The following GLRA2 variants were observed in gnomAD, a reference collection of about 807,000 sequenced individuals.
GLRA2 encodes the protein glycine receptor alpha 2, also known as glycine receptor subunit alpha-2.
A neutral mutation model predicts 31.6 loss-of-function variants in GLRA2; 11 were observed. The observed-to-expected ratio is 0.35, with a 90% CI of 0.22 to 0.58. GLRA2 has a LOEUF of 0.58. GLRA2 is among the 20% of genes least tolerant of loss of function. GLRA2 has a pLI of 0.84. For missense variants in GLRA2, 212 were observed against 351.8 expected, an observed-to-expected ratio of 0.60 and a Z score of 3.18; for synonymous variants, 132 against 134.0, an observed-to-expected ratio of 0.99 and a Z score of 0.10.
intron 2 of GLRA2, among the ~76,000 whole-genome samples, chrX:14,542,629 G>GA (rs769508434): frequency 3.4e-3 from 338 of 98,643 alleles, no homozygotes; most frequent in African/African-American, 7.8e-3. Context: ...TGCTAGAGAA[G>GA]AAAAAAAAAA....
chrX:14,560,885 T>C (rs745659061), intron 2 of GLRA2, among the ~76,000 whole-genome samples: 3 of 108,371 alleles, frequency 2.8e-5, no homozygotes, highest in African/African-American at 1.0e-4. Context: ...TATATATATA[T>C]ACATACACAC....
intron 7 of GLRA2, among the ~76,000 whole-genome samples, chrX:14,672,562 T>C (rs192463883): frequency 6.2e-4 from 60 of 96,911 alleles, no homozygotes; most frequent in African/African-American, 2.1e-3. Flanking sequence ...GGGTGATTTG[T>C]GCTTCTGGTT....
intron 8 of GLRA2, among the ~76,000 whole-genome samples, chrX:14,698,019 A>C (rs1318743166): frequency 8.9e-6 from 1 of 111,936 alleles, no homozygotes; most frequent in Admixed American, 9.5e-5. Context: ...TTAACTAATA[A>C]CAATGAAGAT....
chrX:14,650,893 G>A (rs2090882227), intron 7 of GLRA2, among the ~76,000 whole-genome samples: 1 of 111,936 alleles, frequency 8.9e-6, no homozygotes, highest in Non-Finnish European at 1.9e-5. Context: ...TTATAATCTG[G>A]AATAAGTGAA....
the GLRA2 span, among the ~76,000 whole-genome samples, chrX:14,517,817 G>A: frequency 0.14 from 15,551 of 110,329 alleles, 1,009 homozygotes; most frequent in Non-Finnish European, 0.2. Flanking sequence ...GATAAAAACA[G>A]TAAAAACCAT....
At chrX:14,494,912 G>A in the GLRA2 span, among the ~76,000 whole-genome samples, 8 of 111,678 alleles carry the variant, frequency 7.2e-5, no homozygotes, top group Admixed American at 6.6e-4. Flanking sequence ...TATGAGGGCC[G>A]CCACATCACC....
intron 4 of GLRA2, among the ~76,000 whole-genome samples, chrX:14,586,064 A>G (rs918837235): frequency 1.8e-5 from 2 of 111,679 alleles, no homozygotes; most frequent in Non-Finnish European, 3.8e-5. Flanking sequence ...TTTGATTGTC[A>G]AACAAAACAA....
intron 7 of GLRA2, among the ~76,000 whole-genome samples, chrX:14,659,442 A>C (rs190295687): frequency 3.7e-4 from 39 of 105,937 alleles, no homozygotes; most frequent in Non-Finnish European, 1.2e-4. Flanking sequence ...ATAGGATTTA[A>C]AGCAATTTGT....
In GLRA2 at chrX:14,604,414, G is replaced by T; in HGVS notation, c.577+17G>T. On this transcript the variant is annotated intron_variant, in intron 5 of 8. Transcript: ENST00000218075. ...TGGAGAGTTGTAAGTCACCACTGTTGAAATGACTCCCTGCTTGTTTTAACC... is the reference window on the plus strand; with the variant it reads ...TGGAGAGTTGTAAGTCACCACTGTTTAAATGACTCCCTGCTTGTTTTAACC... The T allele has an allele frequency of 1.0e-6, 1 of 975,988 alleles. No homozygotes were observed. The highest frequency in any genetic ancestry group is 1.9e-5 in the South Asian group (1 of 51,525). The allele number at this position is 975,988 out of a possible 1,213,427, so 80.4% of individuals were successfully genotyped here. A position where few individuals can be genotyped will look rare whatever the true frequency, so the allele number is the denominator to read the frequency against.
At position 14,529,616 on chromosome X, in the gene GLRA2, T is replaced by G; in HGVS notation, c.-442T>G. 7.1e-6 allele frequency: 1 copy of G among 140,691 alleles called. No homozygotes were observed. Among genetic ancestry groups the G allele is most frequent in the Non-Finnish European group, 1.4e-5 (1 of 72,161 alleles). The allele number at this position is 140,691 out of a possible 1,213,427, so 11.6% of individuals were successfully genotyped here. ...CCCCCACCCACTCCAGCGCGCAGAG[T>G]CCTTTCTTCTCTCTCATTTACAACT... On this transcript the variant is annotated 5_prime_UTR_variant, in exon 1 of 9. Coordinates refer to ENST00000218075, the MANE Select transcript of GLRA2 (RefSeq NM_002063.4).
chrX:14,463,670 G>A, the GLRA2 span, among the ~76,000 whole-genome samples: 2,452 of 110,859 alleles, frequency 0.022, 66 homozygotes, highest in African/African-American at 0.076. Context: ...TGTGGGACCC[G>A]CCGAGACAAG....
intron 8 of GLRA2, among the ~76,000 whole-genome samples, chrX:14,697,815 G>A (rs750464621): frequency 8.9e-6 from 1 of 112,194 alleles, no homozygotes; most frequent in Admixed American, 9.4e-5. Context: ...GAGCAGTCTT[G>A]CTGTTGAGCA....
chrX:14,502,999 A>G, the GLRA2 span, among the ~76,000 whole-genome samples: 1 of 110,934 alleles, frequency 9.0e-6, no homozygotes, highest in Non-Finnish European at 1.9e-5. Context: ...AGCTGGGAGC[A>G]TGCATGCATA....
chrX:14,636,143 A>G lies in GLRA2; in HGVS notation c.930+26938A>G, dbSNP rs964910197. 9.8e-5 allele frequency among the ~76,000 whole-genome samples: 11 copies of G among 112,199 alleles called. No homozygotes were observed. In the Admixed American group the frequency reaches 1.0e-3, roughly 11 times the overall value. ...ATAAATGATTGCATAAAAATAATTGAGGTAGAAAAAACAAATCTCCCATGC... is the reference window on the plus strand; with the variant it reads ...ATAAATGATTGCATAAAAATAATTGGGGTAGAAAAAACAAATCTCCCATGC... On this transcript the variant is annotated intron_variant, in intron 7 of 8. Coordinates refer to ENST00000218075, the MANE Select transcript of GLRA2 (RefSeq NM_002063.4).
At chrX:14,473,770 G>A in the GLRA2 span, among the ~76,000 whole-genome samples, 2 of 111,847 alleles carry the variant, frequency 1.8e-5, no homozygotes, top group Non-Finnish European at 3.8e-5. Flanking sequence ...CTTTTTCTGT[G>A]ATCAATTGCA....
the GLRA2 span, among the ~76,000 whole-genome samples, chrX:14,484,205 G>C: frequency 8.9e-6 from 1 of 111,905 alleles, no homozygotes; most frequent in East Asian, 2.8e-4. Context: ...TTGTGCCTTT[G>C]TCTATCTTGC....
chrX:14,510,866 C>CAA, the GLRA2 span, among the ~76,000 whole-genome samples: 1 of 111,496 alleles, frequency 9.0e-6, no homozygotes, highest in Non-Finnish European at 1.9e-5. Flanking sequence ...ACTTTGTAGA[C>CAA]AAGACACTGA....
chrX:14,452,573 T>A, the GLRA2 span, among the ~76,000 whole-genome samples: 1 of 112,222 alleles, frequency 8.9e-6, no homozygotes, highest in Non-Finnish European at 1.9e-5. Context: ...AAGGTGGAGA[T>A]AAATGTTGGC....
At chrX:14,530,810 C>T (rs984177477) in intron 1 of GLRA2, among the ~76,000 whole-genome samples, 2 of 111,313 alleles carry the variant, frequency 1.8e-5, no homozygotes, top group Non-Finnish European at 3.8e-5. Flanking sequence ...CGAATAGTTG[C>T]CAAATCAATT....
Sources: gnomAD v4.1 joint callset for allele counts (sites outside exome capture counted in the v4.1 genomes callset) on GRCh38, gnomAD v4.1.1 for gene constraint, MANE v1.5 for transcripts, NCBI Gene and HGNC (gene_info 2026-07-23, HGNC 2026-07-21) for gene names.